The following SEPTIN9 variants were observed in gnomAD, a reference collection of about 807,000 sequenced individuals.
SEPTIN9 encodes septin-9.
In SEPTIN9, 13 loss-of-function variants were observed where a neutral mutation model predicts 56.6. The ratio of observed to expected loss-of-function variants is 0.23; its 90% confidence interval spans 0.15 to 0.37. The LOEUF is 0.37. SEPTIN9 is among the 10% of genes least tolerant of loss of function. SEPTIN9 has a pLI of 1.00. For missense variants in SEPTIN9, 650 were observed against 823.1 expected, an observed-to-expected ratio of 0.79 and a Z score of 2.57; for synonymous variants, 332 against 334.1, an observed-to-expected ratio of 0.99 and a Z score of 0.07.
chr17:77,327,737 C>CT lies in SEPTIN9; in HGVS notation c.76+20549dup, dbSNP rs932219102. Among the ~76,000 whole-genome samples, 1 of 117,142 alleles carries CT rather than the reference C, an allele frequency of 8.5e-6. No individual in the cohort carries two copies. Among genetic ancestry groups the CT allele is most frequent in the East Asian group, 3.0e-4 (1 of 3,310 alleles). The allele number at this position is 117,142 out of a possible 152,430, so 76.8% of individuals were successfully genotyped here. ...CCTCCATCCGTGGAGCCACCCTCCT[C>CT]TTTTTTTTTCTAAATGGGGAAACTC... is the stretch of plus-strand genomic sequence containing the variant. On this transcript the variant is annotated intron_variant, in intron 2 of 11. Coordinates refer to ENST00000427177, the MANE Select transcript of SEPTIN9 (RefSeq NM_001113491.2). This position sits in a 1 kb window ranked among gnomAD's most constrained non-coding sequence, Gnocchi z 5.0.
chr17:77,358,942 G>A (rs2034335440), intron 2 of SEPTIN9, among the ~76,000 whole-genome samples: 1 of 152,268 alleles, frequency 6.6e-6, no homozygotes, highest in Non-Finnish European at 1.5e-5. Context: ...GGGGGCCCAG[G>A]ACAGCCCGGA....
intron 3 of SEPTIN9, among the ~76,000 whole-genome samples, chr17:77,448,909 A>T (rs528106594): frequency 4.0e-5 from 6 of 151,892 alleles, no homozygotes; most frequent in African/African-American, 1.4e-4. Flanking sequence ...TCAGCCTCCC[A>T]AGTAGCTGGG....
intron 2 of SEPTIN9, among the ~76,000 whole-genome samples, chr17:77,324,138 T>C (rs1393505599): frequency 6.6e-6 from 1 of 152,232 alleles, no homozygotes; most frequent in East Asian, 1.9e-4. Context: ...CCTCCTTCTG[T>C]GCCCTAAATC....
At position 77,405,446 on chromosome 17, in the gene SEPTIN9, C is replaced by G. The variant is rs1341647784; in HGVS notation, c.721+2743C>G. 6.6e-6 allele frequency among the ~76,000 whole-genome samples: 1 copy of G among 152,202 alleles called. No individual in the cohort carries two copies. On this transcript the variant is annotated intron_variant, in intron 3 of 11. Transcript: ENST00000427177. The surrounding 1 kb of genome is among the most constrained non-coding windows in gnomAD (Gnocchi z 5.8). ...GGCGCTCTGGGGGGACGGTGGCTTT[C>G]TCCATGGAATAGGATGTACACGTTG...
chr17:77,462,262 A>G (rs1173425976), intron 3 of SEPTIN9, among the ~76,000 whole-genome samples: 1 of 152,118 alleles, frequency 6.6e-6, no homozygotes, highest in Non-Finnish European at 1.5e-5. Flanking sequence ...TTTTGAGACA[A>G]AGTCTCACTC....
chr17:77,284,321 T>A (rs1013162847), intron 1 of SEPTIN9, among the ~76,000 whole-genome samples: 1 of 152,182 alleles, frequency 6.6e-6, no homozygotes. Flanking sequence ...TCTTTTCCAA[T>A]GCGGAAGGCA....
At chr17:77,366,792 G>C (rs1163149341) in intron 2 of SEPTIN9, among the ~76,000 whole-genome samples, 2 of 152,222 alleles carry the variant, frequency 1.3e-5, no homozygotes, top group African/African-American at 4.8e-5. Context: ...AGTCCCAAGT[G>C]CCGGAGCGGG....
intron 1 of SEPTIN9, 57 bp downstream of exon 1, chr17:77,281,611 C>A: frequency 3.4e-6 from 5 of 1,481,506 alleles, no homozygotes; most frequent in Non-Finnish European, 4.5e-6. Context: ...GCGCTGCTCA[C>A]CTGAGTGCCT....
intron 2 of SEPTIN9, among the ~76,000 whole-genome samples, chr17:77,328,126 G>C (rs1380192320): frequency 1.4e-5 from 2 of 138,450 alleles, no homozygotes; most frequent in African/African-American, 2.8e-5. Flanking sequence ...GGGTGTCCCC[G>C]TTCCCAGGGC....
chr17:77,289,117 G>A lies in SEPTIN9; in HGVS notation c.19+7563G>A, dbSNP rs144861104. Among the ~76,000 whole-genome samples, 498 of 152,292 alleles carry A rather than the reference G, an allele frequency of 3.3e-3. 6 individuals are homozygous for A. Among genetic ancestry groups the A allele is most frequent in the African/African-American group, 0.011 (469 of 41,568 alleles). ...TGGTTTGGTTTGGTTTGGTTTTTGA[G>A]ACGGAGTCTCACTCTGTCACCCAGG... On this transcript the variant is annotated intron_variant, in intron 1 of 11. Transcript: ENST00000427177.
At chr17:77,447,648 G>A (rs925856142) in intron 3 of SEPTIN9, among the ~76,000 whole-genome samples, 9 of 152,194 alleles carry the variant, frequency 5.9e-5, no homozygotes, top group African/African-American at 1.9e-4. Context: ...TTTTTGAGAC[G>A]AAGTCTCGCT....
At chr17:77,497,511 TG>T in intron 11 of SEPTIN9, 145 bp downstream of exon 11, 1 of 719,730 alleles carries the variant, frequency 1.4e-6, no homozygotes. Context: ...GGGAAGATCT[TG>T]GAAGCCCATC....
Position 77,445,470 on chromosome 17 carries a change from G to T in SEPTIN9, c.722-36674G>T. 2.1e-6 allele frequency: 1 copy of T among 467,192 alleles called. No individual in the cohort carries two copies. The allele number at this position is 467,192 out of a possible 1,614,324, so 28.9% of individuals were successfully genotyped here. ...TGGCTTGGTGGTGGCCGAGGAGCTT[G>T]GCAGGAGCAGAGTGCAGGACCTGGG... is the stretch of plus-strand genomic sequence containing the variant. On this transcript the variant is annotated intron_variant, in intron 3 of 11. Transcript: ENST00000427177. The surrounding 1 kb of genome is among the most constrained non-coding windows in gnomAD (Gnocchi z 4.7).
chr17:77,303,694 A>G (rs953449207), intron 1 of SEPTIN9, among the ~76,000 whole-genome samples: 3 of 151,780 alleles, frequency 2.0e-5, no homozygotes, highest in African/African-American at 7.3e-5. Flanking sequence ...AGTAGTAATA[A>G]TAATAATAAT....
chr17:77,372,535 C>T (rs2034752931), intron 2 of SEPTIN9, among the ~76,000 whole-genome samples: 1 of 152,236 alleles, frequency 6.6e-6, no homozygotes, highest in South Asian at 2.1e-4. Flanking sequence ...TCACACCTTC[C>T]TTCGGAAACG....
At chr17:77,333,842 T>C (rs937256920) in intron 2 of SEPTIN9, among the ~76,000 whole-genome samples, 1 of 152,192 alleles carries the variant, frequency 6.6e-6, no homozygotes, top group African/African-American at 2.4e-5. Context: ...ATTTTCTTGG[T>C]GACTTATGAG....
intron 3 of SEPTIN9, among the ~76,000 whole-genome samples, chr17:77,411,763 C>T (rs994863868): frequency 2.6e-5 from 4 of 152,158 alleles, no homozygotes; most frequent in Non-Finnish European, 5.9e-5. Flanking sequence ...CAGATGTTCT[C>T]GCACTTGTAC....
chr17:77,322,803 C>T (rs529796799), intron 2 of SEPTIN9: 1 of 152,344 alleles, frequency 6.6e-6, no homozygotes, highest in Non-Finnish European at 1.5e-5. Context: ...TGGCTCACGC[C>T]GCGTTGTCAG....
chr17:77,483,921 T>C (rs529065649), intron 4 of SEPTIN9: 1 of 152,430 alleles, frequency 6.6e-6, no homozygotes, highest in African/African-American at 2.4e-5. Flanking sequence ...ATGGCAGCTG[T>C]GCCCACCTGC....
Sources: gnomAD v4.1 joint callset for allele counts (sites outside exome capture counted in the v4.1 genomes callset) on GRCh38, gnomAD v4.1.1 for gene constraint, Gnocchi (gnomAD v3.1) non-coding constraint, MANE v1.5 for transcripts, NCBI Gene and HGNC (gene_info 2026-07-23, HGNC 2026-07-21) for gene names.